The following DCAF8L2 variants were observed in gnomAD, a reference collection of about 807,000 sequenced individuals.
The protein encoded by DCAF8L2 is DDB1- and CUL4-associated factor 8-like protein 2.
For missense variants in DCAF8L2, 430 were observed against 490.7 expected, an observed-to-expected ratio of 0.88 and a Z score of 1.17; for synonymous variants, 200 against 190.9, an observed-to-expected ratio of 1.05 and a Z score of -0.39.
intron 4 of DCAF8L2, among the ~76,000 whole-genome samples, chrX:27,718,722 T>G (rs1931786486): frequency 9.0e-6 from 1 of 111,686 alleles, no homozygotes; most frequent in African/African-American, 3.3e-5. Flanking sequence ...TACTCTTTTC[T>G]GGCTTTCAAA....
chrX:27,704,177 T>TACACACACAC lies in DCAF8L2; in HGVS notation c.-142-11910_-142-11909insCACACACACA, dbSNP rs1280383709. Reference sequence around the variant, plus strand: ...CAGTATATATATATATATATATACATATACACACACACATATGTATATACA... The same window carrying TACACACACAC: ...CAGTATATATATATATATATATACATACACACACACATACACACACACATATGTATATACA... On this transcript the variant is annotated intron_variant, in intron 3 of 4. Coordinates refer to ENST00000451261, the MANE Select transcript of DCAF8L2 (RefSeq NM_001353450.2). Among the ~76,000 whole-genome samples the TACACACACAC allele has an allele frequency of 6.3e-3, 268 of 42,796 alleles. 3 individuals carry two copies. Among genetic ancestry groups the TACACACACAC allele is most frequent in the African/African-American group, 0.034 (250 of 7,407 alleles). The allele number at this position is 42,796 out of a possible 115,157, so 37.2% of individuals were successfully genotyped here.
At chrX:27,612,053 CCAT>C (rs1161354257) in intron 1 of DCAF8L2, among the ~76,000 whole-genome samples, 2 of 111,601 alleles carry the variant, frequency 1.8e-5, no homozygotes, top group African/African-American at 6.5e-5. Context: ...GTTTACACCC[CCAT>C]CAACAGTGTA....
chrX:27,532,498 C>T, the DCAF8L2 span, among the ~76,000 whole-genome samples: 1 of 111,213 alleles, frequency 9.0e-6, no homozygotes, highest in Non-Finnish European at 1.9e-5. Flanking sequence ...ACTGAGAAAG[C>T]AAAGCTCTTT....
At chrX:27,647,109 T>C (rs1477949276) in intron 2 of DCAF8L2, among the ~76,000 whole-genome samples, 1 of 111,934 alleles carries the variant, frequency 8.9e-6, no homozygotes, top group Non-Finnish European at 1.9e-5. Flanking sequence ...TACATGCAAA[T>C]GTATGTTCAT....
At chrX:27,696,220 AGAAAGAAAGAAT>A (rs1339025551) in intron 3 of DCAF8L2, among the ~76,000 whole-genome samples, 4 of 104,954 alleles carry the variant, frequency 3.8e-5, no homozygotes, top group Non-Finnish European at 5.8e-5. Flanking sequence ...AAGAAGAAAA[AGAAAGAAAGAAT>A]GAAAGAAAGA....
At chrX:27,666,482 C>T (rs1157289273) in intron 2 of DCAF8L2, among the ~76,000 whole-genome samples, 2 of 111,944 alleles carry the variant, frequency 1.8e-5, no homozygotes, top group East Asian at 5.6e-4. Context: ...ATCCAAGTAA[C>T]AGATACCATA....
chrX:27,641,763 C>T (rs192838356), intron 2 of DCAF8L2, among the ~76,000 whole-genome samples: 2,606 of 110,275 alleles, frequency 0.024, 69 homozygotes, highest in African/African-American at 0.079. Context: ...TGAGCCACCA[C>T]GCCCGGCCAA....
intron 2 of DCAF8L2, among the ~76,000 whole-genome samples, chrX:27,648,571 A>G (rs1929033128): frequency 1.8e-5 from 2 of 108,815 alleles, no homozygotes; most frequent in Admixed American, 2.0e-4. Flanking sequence ...TTGGAATTGC[A>G]TACAGTTATC....
chrX:27,605,905 G>A (rs1602646709), intron 1 of DCAF8L2, among the ~76,000 whole-genome samples: 2 of 110,801 alleles, frequency 1.8e-5, no homozygotes, highest in South Asian at 7.6e-4. Context: ...GACAGTCCCA[G>A]GGGTCTGAGG....
upstream of DCAF8L2, among the ~76,000 whole-genome samples, chrX:27,587,106 GA>G (rs899630902): frequency 1.8e-4 from 20 of 108,711 alleles, no homozygotes; most frequent in African/African-American, 5.0e-4. Flanking sequence ...CTTGCCAACA[GA>G]AAAAAAAATT....
chrX:27,669,439 A>G (rs1400568834), intron 2 of DCAF8L2, among the ~76,000 whole-genome samples: 1 of 106,534 alleles, frequency 9.4e-6, no homozygotes, highest in East Asian at 2.9e-4. Context: ...AACTTACCCA[A>G]TATTTCTTAT....
chrX:27,707,621 A>G (rs1423237935), intron 3 of DCAF8L2, among the ~76,000 whole-genome samples: 1 of 111,810 alleles, frequency 8.9e-6, no homozygotes, highest in Non-Finnish European at 1.9e-5. Flanking sequence ...AAGACTCGGT[A>G]ATATCTAGGG....
At chrX:27,501,695 A>G in the DCAF8L2 span, among the ~76,000 whole-genome samples, 516 of 111,315 alleles carry the variant, frequency 4.6e-3, 2 homozygotes, top group Middle Eastern at 0.014. Context: ...GGTCAGGTGA[A>G]TGGGAGTAAA....
chrX:27,524,901 G>T, the DCAF8L2 span, among the ~76,000 whole-genome samples: 2 of 112,197 alleles, frequency 1.8e-5, no homozygotes, highest in Non-Finnish European at 3.8e-5. Context: ...GAGACAGTTT[G>T]TTATAATTTC....
At chrX:27,506,468 A>G in the DCAF8L2 span, among the ~76,000 whole-genome samples, 1 of 111,549 alleles carries the variant, frequency 9.0e-6, no homozygotes, top group African/African-American at 3.3e-5. Context: ...AAAATTCTGG[A>G]GGCCAGAAGT....
intron 3 of DCAF8L2, among the ~76,000 whole-genome samples, chrX:27,714,377 GT>G (rs368728316): frequency 1.3e-3 from 134 of 104,666 alleles, no homozygotes; most frequent in African/African-American, 1.8e-3. Flanking sequence ...TTCATTGTGA[GT>G]TTTTTTTTTT....
chrX:27,542,099 T>C, the DCAF8L2 span, among the ~76,000 whole-genome samples: 1 of 108,833 alleles, frequency 9.2e-6, no homozygotes, highest in Non-Finnish European at 1.9e-5. Context: ...TCTAATCTAC[T>C]GTTGATGAGC....
intron 3 of DCAF8L2, among the ~76,000 whole-genome samples, chrX:27,699,562 T>C (rs1210713826): frequency 3.6e-5 from 4 of 111,533 alleles, no homozygotes; most frequent in African/African-American, 1.3e-4. Flanking sequence ...AGAGAACAAC[T>C]GATTGTGAGG....
chrX:27,667,693 A>C (rs775559652), intron 2 of DCAF8L2, among the ~76,000 whole-genome samples: 23 of 111,829 alleles, frequency 2.1e-4, no homozygotes, highest in African/African-American at 6.5e-4. Context: ...GGAAGATTGA[A>C]AAAGAGAATA....
Sources: allele counts gnomAD v4.1 joint callset (sites outside exome capture counted in the v4.1 genomes callset), GRCh38; gene constraint gnomAD v4.1.1; transcripts MANE v1.5; gene names NCBI Gene and HGNC (gene_info 2026-07-23, HGNC 2026-07-21).